TMEM132B: variants seen among roughly 807,000 people sequenced by gnomAD.
TMEM132B encodes transmembrane protein 132B.
TMEM132B carries 18 observed loss-of-function variants against 90.8 expected under a neutral mutation model. The ratio of observed to expected loss-of-function variants is 0.20; its 90% CI spans 0.14 to 0.29. The LOEUF (loss-of-function observed/expected upper bound fraction) is 0.29, where lower values mean the gene tolerates loss of function less well. Ranked by LOEUF, TMEM132B falls within the 10% of genes least tolerant of loss-of-function variation. The pLI is 1.00. For missense variants in TMEM132B, 1,096 were observed against 1,326.8 expected (o/e 0.83, Z 2.70); for synonymous variants, 504 against 523.3 (o/e 0.96, Z 0.50).
At chr12:125,497,000 G>C (rs1882579245) in intron 3 of TMEM132B, among the ~76,000 whole-genome samples, 1 of 152,154 alleles carries the variant, frequency 6.6e-6, no homozygotes, top group Non-Finnish European at 1.5e-5. Context: ...TCTCTAACAT[G>C]GTTGATGAAA....
At chr12:125,558,184 A>C (rs1884437903) in intron 4 of TMEM132B, among the ~76,000 whole-genome samples, 1 of 152,208 alleles carries the variant, frequency 6.6e-6, no homozygotes, top group Non-Finnish European at 1.5e-5. Context: ...AGAGGTTGTC[A>C]CTGGATGAGT....
chr12:125,517,484 G>A (rs549511273), intron 3 of TMEM132B, among the ~76,000 whole-genome samples: 21 of 151,836 alleles, frequency 1.4e-4, no homozygotes, highest in Non-Finnish European at 2.5e-4. Flanking sequence ...GAGCCACCAC[G>A]CCCGGCCCAA....
chr12:125,466,854 C>T (rs12425051), intron 3 of TMEM132B, among the ~76,000 whole-genome samples: 4,540 of 152,296 alleles, frequency 0.03, 142 homozygotes, highest in Admixed American at 0.097. Context: ...TGTTGGCTAT[C>T]GAGGGGTTTC....
intron 3 of TMEM132B, among the ~76,000 whole-genome samples, chr12:125,500,777 G>C (rs1317598430): frequency 6.6e-6 from 1 of 152,152 alleles, no homozygotes; most frequent in Non-Finnish European, 1.5e-5. Context: ...GGTCAACTTG[G>C]TTGCAGCAAA....
chr12:125,652,794 T>A lies in TMEM132B; in HGVS notation c.2106+162T>A, dbSNP rs535640881. Among the ~76,000 whole-genome samples, 5 of 152,344 alleles carry A rather than the reference T, an allele frequency of 3.3e-5. No individual in the cohort carries two copies. In the South Asian group the frequency reaches 1.0e-3, roughly 32 times the overall value. ...GCCACCCTGTCTCTGAGAAAAGTAT[T>A]CAGTGGCTTAGACACATTTCCTCTT... On this transcript the variant is annotated intron_variant, in intron 8 of 8. Transcript: ENST00000682704.
chr12:125,532,371 T>C (rs1883668128), intron 4 of TMEM132B, among the ~76,000 whole-genome samples: 1 of 152,194 alleles, frequency 6.6e-6, no homozygotes, highest in Non-Finnish European at 1.5e-5. Context: ...ATGGCTGTCA[T>C]GCAGCACATC....
intron 3 of TMEM132B, among the ~76,000 whole-genome samples, chr12:125,502,969 C>T (rs1055454626): frequency 7.2e-5 from 11 of 152,112 alleles, no homozygotes; most frequent in African/African-American, 1.2e-4. Flanking sequence ...TTTAAACATT[C>T]GGTTCCCATT....
intron 5 of TMEM132B, among the ~76,000 whole-genome samples, chr12:125,608,638 C>T (rs563969366): frequency 6.6e-6 from 1 of 152,052 alleles, no homozygotes; most frequent in South Asian, 2.1e-4. Context: ...ATCTATGAAA[C>T]CATTGGTTAA....
chr12:125,430,596 A>G (rs529279576), intron 3 of TMEM132B, among the ~76,000 whole-genome samples: 1 of 152,270 alleles, frequency 6.6e-6, no homozygotes, highest in South Asian at 2.1e-4. Flanking sequence ...CACAGAAGTC[A>G]CAGAATCCAG....
At chr12:125,586,319 T>C (rs1427793163) in intron 5 of TMEM132B, 1 of 152,194 alleles carries the variant, frequency 6.6e-6, no homozygotes, top group Non-Finnish European at 1.5e-5. Flanking sequence ...GGCCTGTGAT[T>C]GTATGACTTT....
intron 3 of TMEM132B, among the ~76,000 whole-genome samples, chr12:125,517,346 T>TGG (rs1566060748): frequency 1.2e-5 from 1 of 82,470 alleles, no homozygotes; most frequent in East Asian, 2.4e-4. Context: ...TTTTTTTTTT[T>TGG]TTTTTTTTTT....
chr12:125,420,475 C>T (rs1880138645), intron 3 of TMEM132B, among the ~76,000 whole-genome samples: 1 of 152,214 alleles, frequency 6.6e-6, no homozygotes, highest in Non-Finnish European at 1.5e-5. Flanking sequence ...GCTAGAGTGG[C>T]TGGGACACAG....
intron 3 of TMEM132B, among the ~76,000 whole-genome samples, chr12:125,462,766 A>G (rs1261730070): frequency 6.6e-6 from 1 of 152,208 alleles, no homozygotes; most frequent in Non-Finnish European, 1.5e-5. Flanking sequence ...ATTACTACCA[A>G]TAAAATTTGG....
At chr12:125,521,768 G>A (rs1003377131) in intron 4 of TMEM132B, among the ~76,000 whole-genome samples, 3 of 152,216 alleles carry the variant, frequency 2.0e-5, no homozygotes, top group African/African-American at 7.2e-5. Context: ...TGGGAGCGGG[G>A]TGAGGAATTA....
chr12:125,212,821 T>A (rs1873350336), intron 1 of TMEM132B, among the ~76,000 whole-genome samples: 2 of 152,346 alleles, frequency 1.3e-5, no homozygotes, highest in South Asian at 4.1e-4. Flanking sequence ...AATGCCTCAA[T>A]ATTTTTTTGT....
intron 3 of TMEM132B, among the ~76,000 whole-genome samples, chr12:125,420,153 A>G (rs1239602277): frequency 6.6e-6 from 1 of 152,244 alleles, no homozygotes; most frequent in Non-Finnish European, 1.5e-5. Context: ...TCAGGAGGAC[A>G]GTAGCCCTCT....
chr12:125,256,432 A>T (rs1165249922), intron 1 of TMEM132B, among the ~76,000 whole-genome samples: 2 of 152,222 alleles, frequency 1.3e-5, no homozygotes, highest in East Asian at 3.8e-4. Context: ...CTTGGAGCTG[A>T]GATTTGCAAA....
At chr12:125,476,619 A>G (rs576458674) in intron 3 of TMEM132B, among the ~76,000 whole-genome samples, 8 of 152,270 alleles carry the variant, frequency 5.3e-5, no homozygotes, top group African/African-American at 1.9e-4. Flanking sequence ...CTGAGTGCTA[A>G]TATGTTTTGG....
At chr12:125,487,596 A>G (rs1882235953) in intron 3 of TMEM132B, among the ~76,000 whole-genome samples, 1 of 152,162 alleles carries the variant, frequency 6.6e-6, no homozygotes, top group Admixed American at 6.5e-5. Context: ...AGATCTCACA[A>G]GATGTTTTCA....
Sources: gnomAD v4.1 joint callset for allele counts (sites outside exome capture counted in the v4.1 genomes callset) on GRCh38, gnomAD v4.1.1 for gene constraint, MANE v1.5 for transcripts, NCBI Gene and HGNC (gene_info 2026-07-23, HGNC 2026-07-21) for gene names.